Variants in RFC1 observed in about 807,000 individuals in gnomAD.
RFC1 encodes replication factor C subunit 1.
RFC1 carries 37 observed loss-of-function variants against 137.4 expected under a neutral mutation model. The ratio of observed to expected loss-of-function variants is 0.27; its 90% CI spans 0.21 to 0.35. The LOEUF is 0.35. RFC1 is among the 10% of genes least tolerant of loss of function. RFC1 has a pLI of 1.00. For missense variants in RFC1, 1,205 were observed against 1,358.5 expected (o/e 0.89, Z 1.78); for synonymous variants, 429 against 455.7 (o/e 0.94, Z 0.75).
rs147585357 is a variant in RFC1, at chr4:39,330,702, A to C, written c.332-2946T>G. ...AAATTTCCCCATTTTGCTTACACTAAAGTGTTTGCAACCGAAAGAGTTAAA... is the reference window on the plus strand; with the variant it reads ...AAATTTCCCCATTTTGCTTACACTACAGTGTTTGCAACCGAAAGAGTTAAA... On this transcript the variant is annotated intron_variant, in intron 4 of 24. Coordinates refer to ENST00000349703, the MANE Select transcript of RFC1 (RefSeq NM_002913.5). Among the ~76,000 whole-genome samples, 292 of 152,304 alleles carry C rather than the reference A, an allele frequency of 1.9e-3. 2 individuals are homozygous for C. The highest frequency in any genetic ancestry group is 6.6e-3 in the African/African-American group (275 of 41,546).
In RFC1 at chr4:39,289,872, A is replaced by G. The variant is rs1216075147; in HGVS notation, c.3336T>C (p.Ala1112=). The stretch of plus-strand genomic sequence containing the variant: ...CCTTGATCATGGCATCAGTTTCTAT[A>G]GCATCTTGGTCTTTCTCATCAGATT... ...DSQSDEKDQD[A]IETDAMIKKK... is the part of the protein sequence containing the mutation. Residue 1112 remains alanine, a synonymous_variant, in exon 24 of 25, where the codon GCT becomes GCC. Coordinates refer to ENST00000349703, the MANE Select transcript of RFC1 (RefSeq NM_002913.5). The G allele has an allele frequency of 6.2e-7, 1 of 1,612,508 alleles. No homozygotes were observed. The highest frequency in any genetic ancestry group is 1.1e-5 in the South Asian group (1 of 91,056).
At chr4:39,361,705 A>G (rs2109783294) in intron 1 of RFC1, among the ~76,000 whole-genome samples, 1 of 152,332 alleles carries the variant, frequency 6.6e-6, no homozygotes, top group African/African-American at 2.4e-5. Context: ...TACAAAAATC[A>G]ATTGTATTTC....
At chr4:39,333,985 A>G (rs1740235162) in intron 4 of RFC1, among the ~76,000 whole-genome samples, 1 of 152,166 alleles carries the variant, frequency 6.6e-6, no homozygotes, top group Non-Finnish European at 1.5e-5. Flanking sequence ...TAACTACAAA[A>G]TAAACAGCTC....
At chr4:39,340,137 A>G (rs959895756) in intron 4 of RFC1, among the ~76,000 whole-genome samples, 10 of 152,216 alleles carry the variant, frequency 6.6e-5, no homozygotes, top group Non-Finnish European at 7.4e-5. Context: ...AACACAAGGA[A>G]AGTTAAGTAA....
At position 39,313,650 on chromosome 4, in the gene RFC1, C is replaced by T. The variant is rs149788315; in HGVS notation, c.1204-719G>A. On this transcript the variant is annotated intron_variant, in intron 10 of 24. Coordinates refer to ENST00000349703, the MANE Select transcript of RFC1 (RefSeq NM_002913.5). ...CATATCTGAAGGCTACTGAATGCAA[C>T]TTATAATGCTTAATAAAAAATTTTT... Among the ~76,000 whole-genome samples, 279 of 152,044 alleles carry T rather than the reference C, an allele frequency of 1.8e-3. 1 individual carries two copies. The highest frequency in any genetic ancestry group is 6.5e-3 in the African/African-American group (268 of 41,456).
intron 4 of RFC1, among the ~76,000 whole-genome samples, chr4:39,335,625 A>G (rs1346065929): frequency 6.6e-6 from 1 of 152,186 alleles, no homozygotes; most frequent in Non-Finnish European, 1.5e-5. Context: ...GGAATGCCTA[A>G]ATAAGAAAAA....
intron 23 of RFC1, 113 bp downstream of exon 23, chr4:39,291,526 C>CT (rs967888028): frequency 5.4e-6 from 4 of 735,772 alleles, no homozygotes; most frequent in Non-Finnish European, 9.5e-6. Flanking sequence ...AAGCAACAAG[C>CT]ATTTGAGGGG....
At chr4:39,289,654 T>C (rs750793925) in intron 24 of RFC1, 194 bp downstream of exon 24, 127 of 533,228 alleles carry the variant, frequency 2.4e-4, no homozygotes, top group Non-Finnish European at 3.6e-4. Flanking sequence ...TTCTTGCTGT[T>C]TGGCTCTTCG....
chr4:39,303,173 T>C (rs1045152073), intron 15 of RFC1, 22 bp from the exon 16 acceptor site: 1 of 1,544,802 alleles, frequency 6.5e-7, no homozygotes, highest in African/African-American at 1.4e-5. Flanking sequence ...TGAGGAGCAA[T>C]GGGATGAGAC....
intron 22 of RFC1, among the ~76,000 whole-genome samples, chr4:39,293,587 A>C (rs1737810499): frequency 6.6e-6 from 1 of 152,178 alleles, no homozygotes; most frequent in Non-Finnish European, 1.5e-5. Flanking sequence ...GTCTTAATTT[A>C]CTTTAAAAAT....
chr4:39,308,936 T>G lies in RFC1; in HGVS notation c.1585A>C (p.Ser529Arg). Residue 529 changes from serine (S) to arginine (R), a missense_variant, in exon 13 of 25, where the codon AGC becomes CGC. This residue lies in a region of RFC1 where 962 missense variants were observed against 1,035.3 expected (regional missense o/e 0.93). Transcript: ENST00000349703. ...CTGTCCCTTTTGGAAGTCGGCCTGC[T>G]CTTTTTAGATTCTGATTCCTTTTTA... ...PSKKESESKK[S>R]RPTSKRDSLA... 1 of 1,614,174 alleles carries G rather than the reference T, an allele frequency of 6.2e-7. No individual in the cohort carries two copies. Among genetic ancestry groups the G allele is most frequent in the Non-Finnish European group, 8.5e-7 (1 of 1,180,032 alleles).
intron 19 of RFC1, 67 bp downstream of exon 19, chr4:39,302,210 CA>C (rs1738393996): frequency 2.1e-6 from 2 of 946,882 alleles, no homozygotes; most frequent in Non-Finnish European, 3.4e-6. Context: ...CTACTTCTAT[CA>C]AGCTACCTAC....
In RFC1 at chr4:39,288,136, G is replaced by T. The variant is rs1737472869; in HGVS notation, c.*625C>A. 6.6e-6 allele frequency: 1 copy of T among 152,132 alleles called. No homozygotes were observed. Among genetic ancestry groups the T allele is most frequent in the South Asian group, 2.1e-4 (1 of 4,832 alleles). The allele number at this position is 152,132 out of a possible 1,614,324, so 9.4% of individuals were successfully genotyped here. ...GTGAGCTTTTTTAATCCAATCATTT[G>T]CAAATTAATAAGGAAGTAATATACC... is the stretch of plus-strand genomic sequence containing the variant. On this transcript the variant is annotated 3_prime_UTR_variant, in exon 25 of 25. Transcript: ENST00000349703.
At chr4:39,311,824 C>G (rs1166182091) in intron 11 of RFC1, among the ~76,000 whole-genome samples, 1 of 152,238 alleles carries the variant, frequency 6.6e-6, no homozygotes, top group African/African-American at 2.4e-5. Context: ...TACCTTTCCT[C>G]CCCTAGAAAG....
At position 39,288,835 on chromosome 4, in the gene RFC1, T is replaced by C. The variant is rs748946392; in HGVS notation, c.3370A>G (p.Lys1124Glu). 4.4e-6 allele frequency: 7 copies of C among 1,607,880 alleles called. No individual in the cohort carries two copies. The highest frequency in any genetic ancestry group is 2.7e-5 in the African/African-American group (2 of 73,318). Reference protein sequence around the residue: ...ETDAMIKKKTKSSKPSKPEKD... With the variant: ...ETDAMIKKKTESSKPSKPEKD... ...TCTGGTTTTGAAGGCTTTGAAGATTTTGTCTTTTTCTGTTAGGGGGAAGAT... is the reference window on the plus strand; with the variant it reads ...TCTGGTTTTGAAGGCTTTGAAGATTCTGTCTTTTTCTGTTAGGGGGAAGAT... The change falls in exon 25 of 25, where the codon AAA (lysine) becomes GAA (glutamate). Residue 1124 changes from lysine (K) to glutamate (E), a missense_variant. Around this residue, in one of 3 missense-constraint regions of RFC1, gnomAD observed 237 missense variants for 304.2 expected, o/e 0.78. Transcript: ENST00000349703.
chr4:39,289,705 C>T, intron 24 of RFC1, 143 bp downstream of exon 24: 1 of 625,946 alleles, frequency 1.6e-6, no homozygotes, highest in Non-Finnish European at 2.8e-6. Context: ...TCTCTACCTT[C>T]TCCACCCTCA....
chr4:39,353,868 A>C (rs556710238), intron 1 of RFC1, among the ~76,000 whole-genome samples: 123 of 152,356 alleles, frequency 8.1e-4, no homozygotes, highest in African/African-American at 2.8e-3. Flanking sequence ...TAATCTGGTT[A>C]AAGCAAGTGG....
At chr4:39,352,167 G>A (rs548206903) in intron 1 of RFC1, among the ~76,000 whole-genome samples, 1 of 152,142 alleles carries the variant, frequency 6.6e-6, no homozygotes, top group East Asian at 1.9e-4. Context: ...CATAGCTGGG[G>A]AGAAGACAAA....
chr4:39,293,518 A>G (rs1270586209), intron 22 of RFC1, among the ~76,000 whole-genome samples: 8 of 152,218 alleles, frequency 5.3e-5, no homozygotes, highest in Non-Finnish European at 8.8e-5. Flanking sequence ...CATTTTTTAA[A>G]GAAGAGAAAC....
Sources: allele counts gnomAD v4.1 joint callset (sites outside exome capture counted in the v4.1 genomes callset), GRCh38; gene constraint gnomAD v4.1.1; regional missense constraint gnomAD v4.1.1; transcripts MANE v1.5; gene names NCBI Gene and HGNC (gene_info 2026-07-23, HGNC 2026-07-21).